The following SYNGR4 variants were observed in gnomAD, a reference collection of about 807,000 sequenced individuals.
The protein encoded by SYNGR4 is synaptogyrin-4.
Under a neutral mutation model 15.5 loss-of-function variants are expected in SYNGR4, and 15 were observed. The observed-to-expected ratio is 0.97, with a 90% CI of 0.65 to 1.49. SYNGR4 has a LOEUF of 1.49. SYNGR4 is among the 40% of genes most tolerant of loss of function. The probability of loss-of-function intolerance (pLI) is 0.00; values close to 1 mark genes in which losing one functional copy is unlikely to be tolerated. For missense variants in SYNGR4, 292 were observed against 299.3 expected (o/e 0.98, Z 0.18); for synonymous variants, 121 against 127.4 (o/e 0.95, Z 0.34).
intron 1 of SYNGR4, 121 bp from the exon 2 acceptor site, chr19:48,365,615 C>T (rs1417432207): frequency 1.8e-6 from 1 of 547,378 alleles, no homozygotes; most frequent in East Asian, 3.1e-5. Flanking sequence ...CCCCTCACCC[C>T]ACACAACTCC....
At chr19:48,366,406 A>G (rs1970222299) in intron 2 of SYNGR4, among the ~76,000 whole-genome samples, 2 of 151,762 alleles carry the variant, frequency 1.3e-5, no homozygotes, top group Non-Finnish European at 2.9e-5. Flanking sequence ...AAAAAAAAGA[A>G]AAAAGAAAAG....
chr19:48,376,289 C>G lies in SYNGR4; in HGVS notation c.676C>G (p.Pro226Ala), dbSNP rs760951360. Residue 226 changes from proline to alanine, a missense_variant, in exon 5 of 5, where the codon CCC becomes GCC. Physicochemically the swap from Pro to Ala is conservative, Grantham distance 27 (BLOSUM62 -1). Transcript: ENST00000344846. The part of the protein sequence containing the change: ...LSPCLTAPKS[P>A]RLAMMPDN ...CCCCTGTCTGACCGCTCCAAAGTCC[C>G]CCCGGCTTGCTATGATGCCTGACAA... 2.5e-6 allele frequency: 4 copies of G among 1,613,178 alleles called. No homozygotes were observed. In the South Asian group the frequency reaches 4.4e-5, roughly 18 times the overall value.
chr19:48,365,658 T>C (rs1970202543), intron 1 of SYNGR4, 78 bp from the exon 2 acceptor site: 36 of 143,124 alleles, frequency 2.5e-4, no homozygotes, highest in South Asian at 5.9e-4. Flanking sequence ...CCACCCCATG[T>C]CCCCCAATCC....
chr19:48,366,713 A>G (rs1970227428), intron 2 of SYNGR4, among the ~76,000 whole-genome samples: 1 of 151,928 alleles, frequency 6.6e-6, no homozygotes, highest in Non-Finnish European at 1.5e-5. Flanking sequence ...GCCTAAGTAA[A>G]TTTTTTAAAT....
intron 3 of SYNGR4, among the ~76,000 whole-genome samples, chr19:48,374,080 T>C (rs1970360584): frequency 6.8e-6 from 1 of 147,604 alleles, no homozygotes; most frequent in African/African-American, 2.5e-5. Flanking sequence ...ATCTCTCTTT[T>C]TTTTTTTTTT....
rs767398493 is a variant in SYNGR4 at position 48,375,722 on chromosome 19, C to T, written c.441C>T (p.Ile147=). Residue 147 remains isoleucine, a synonymous_variant, in exon 4 of 5, where the codon ATC becomes ATT. Coordinates refer to ENST00000344846, the MANE Select transcript of SYNGR4 (RefSeq NM_012451.4). ...GGAGCAGCAGTGCCCAGGCAGCCAT[C>T]GCCTTCACCTTCTTCTCCATCCTTG... ...LLGSSSAQAA[I]AFTFFSILVW... is the part of the protein sequence containing the mutation. 5.6e-6 allele frequency: 9 copies of T among 1,613,756 alleles called. No individual in the cohort carries two copies. The East Asian group carries it at 8.9e-5, about 16-fold the overall frequency.
chr19:48,370,022 A>G lies in SYNGR4; in HGVS notation c.94-3495A>G, dbSNP rs559685253. Among the ~76,000 whole-genome samples the G allele has an allele frequency of 2.0e-5, 3 of 152,314 alleles. No individual in the cohort carries two copies. In the East Asian group the frequency reaches 5.8e-4, roughly 29 times the overall value. ...CTGCTGTTGTTGTTCACAGAAGGCAATTAAGGCAAAGGAGAAGGGAGGATG... is the reference window on the plus strand; with the variant it reads ...CTGCTGTTGTTGTTCACAGAAGGCAGTTAAGGCAAAGGAGAAGGGAGGATG... On this transcript the variant is annotated intron_variant, in intron 2 of 4. Transcript: ENST00000344846.
intron 2 of SYNGR4, among the ~76,000 whole-genome samples, chr19:48,368,169 C>G (rs1033364711): frequency 6.6e-6 from 1 of 152,180 alleles, no homozygotes; most frequent in African/African-American, 2.4e-5. Context: ...AAAAGTGCCC[C>G]TTTGGTTTGA....
intron 2 of SYNGR4, among the ~76,000 whole-genome samples, chr19:48,366,509 G>T (rs891669769): frequency 1.3e-5 from 2 of 151,984 alleles, no homozygotes; most frequent in African/African-American, 4.8e-5. Flanking sequence ...GGGTTCAAGC[G>T]ATTCTCCTGC....
chr19:48,374,996 A>G (rs1970378973), intron 3 of SYNGR4, among the ~76,000 whole-genome samples: 1 of 151,610 alleles, frequency 6.6e-6, no homozygotes, highest in South Asian at 2.1e-4. Flanking sequence ...ACAACAAAAA[A>G]AGAAATGTGG....
chr19:48,371,482 C>A (rs948602244), intron 2 of SYNGR4, among the ~76,000 whole-genome samples: 2 of 152,150 alleles, frequency 1.3e-5, no homozygotes, highest in African/African-American at 4.8e-5. Flanking sequence ...CCTCAAGGCG[C>A]GTGGTCCAGT....
intron 3 of SYNGR4, among the ~76,000 whole-genome samples, chr19:48,375,372 C>A (rs767512337): frequency 1.3e-5 from 2 of 152,114 alleles, no homozygotes; most frequent in African/African-American, 4.8e-5. Flanking sequence ...TGCATGAGGC[C>A]GGCGGCTCCT....
At position 48,376,078 on chromosome 19, in the gene SYNGR4, C is replaced by G. The variant is rs1262261074; in HGVS notation, c.472-7C>G. ...TCAGCCTTCAGCACGCGCTTTTCTG[C>G]CCACAGATATTCCAGGCCTACCTGG... On this transcript the variant is annotated splice_region_variant and splice_polypyrimidine_tract_variant and intron_variant, in intron 4 of 4. Coordinates refer to ENST00000344846, the MANE Select transcript of SYNGR4 (RefSeq NM_012451.4). 6.2e-7 allele frequency: 1 copy of G among 1,614,038 alleles called. No individual in the cohort carries two copies. Among genetic ancestry groups the G allele is most frequent in the Non-Finnish European group, 8.5e-7 (1 of 1,180,040 alleles).
chr19:48,364,964 A>G (rs542933017), intron 1 of SYNGR4, among the ~76,000 whole-genome samples: 14 of 147,850 alleles, frequency 9.5e-5, no homozygotes, highest in Non-Finnish European at 1.5e-5. Context: ...TCGCCCAACA[A>G]CCCCCTCAGC....
chr19:48,365,957 A>G (rs1970213623), intron 2 of SYNGR4, 22 bp downstream of exon 2: 1 of 1,611,804 alleles, frequency 6.2e-7, no homozygotes, highest in African/African-American at 1.3e-5. Flanking sequence ...CCATGGCCCG[A>G]CTGTGCCCCT....
intron 2 of SYNGR4, among the ~76,000 whole-genome samples, chr19:48,369,844 C>T (rs1970278408): frequency 6.6e-6 from 1 of 152,202 alleles, no homozygotes; most frequent in Admixed American, 6.5e-5. Flanking sequence ...GCCAGACACA[C>T]CCCCTCTACA....
chr19:48,364,902 A>G (rs1349624849), intron 1 of SYNGR4, among the ~76,000 whole-genome samples: 1 of 151,822 alleles, frequency 6.6e-6, no homozygotes, highest in Admixed American at 6.6e-5. Flanking sequence ...CGTGGTCCCC[A>G]AATATCCCAG....
At chr19:48,370,767 C>T (rs1007430489) in intron 2 of SYNGR4, among the ~76,000 whole-genome samples, 11 of 152,140 alleles carry the variant, frequency 7.2e-5, no homozygotes, top group East Asian at 1.9e-4. Flanking sequence ...AGCCTACCCC[C>T]GCCATCCCCA....
At chr19:48,375,835 C>T in intron 4 of SYNGR4, 83 bp downstream of exon 4, 1 of 1,555,644 alleles carries the variant, frequency 6.4e-7, no homozygotes, top group Non-Finnish European at 8.7e-7. Context: ...CATTCCTGCT[C>T]TCACTTAGCT....
Sources: gnomAD v4.1 joint callset for allele counts (sites outside exome capture counted in the v4.1 genomes callset) on GRCh38, gnomAD v4.1.1 for gene constraint, MANE v1.5 for transcripts, NCBI Gene and HGNC (gene_info 2026-07-23, HGNC 2026-07-21) for gene names.